Variants in KATNAL2 observed in about 807,000 individuals in gnomAD.
KATNAL2 encodes katanin catalytic subunit A1 like 2.
A neutral mutation model predicts 76.3 loss-of-function variants in KATNAL2; 52 were observed. The observed-to-expected ratio is 0.68, with a 90% CI of 0.55 to 0.86. The LOEUF (loss-of-function observed/expected upper bound fraction) is 0.86, where lower values mean the gene tolerates loss of function less well. KATNAL2 is among the 40% of genes least tolerant of loss of function. The pLI, the probability that KATNAL2 is intolerant of heterozygous loss-of-function variation, is 0.00. For missense variants in KATNAL2, 660 were observed against 668.9 expected, an observed-to-expected ratio of 0.99 and a Z score of 0.15; for synonymous variants, 243 against 244.2, an observed-to-expected ratio of 1.00 and a Z score of 0.05.
intron 3 of KATNAL2, chr18:47,032,618 T>C (rs2146934862): frequency 1.0e-5 from 3 of 298,890 alleles, no homozygotes; most frequent in Middle Eastern, 1.2e-3. Flanking sequence ...TGTCAACTAA[T>C]GGCTTGTGTG....
chr18:47,088,194 T>G (rs2062856085), intron 15 of KATNAL2, among the ~76,000 whole-genome samples: 1 of 152,186 alleles, frequency 6.6e-6, no homozygotes, highest in Admixed American at 6.5e-5. Flanking sequence ...CTGTGCATGT[T>G]AGCAGTTCTG....
At chr18:47,061,797 T>C (rs2061640168) in intron 8 of KATNAL2, among the ~76,000 whole-genome samples, 1 of 152,186 alleles carries the variant, frequency 6.6e-6, no homozygotes, top group Non-Finnish European at 1.5e-5. Context: ...AGTCTCATGA[T>C]GAAAGGAGAG....
intron 3 of KATNAL2, among the ~76,000 whole-genome samples, chr18:46,955,510 C>T (rs1405930069): frequency 6.6e-6 from 1 of 151,996 alleles, no homozygotes; most frequent in East Asian, 1.9e-4. Flanking sequence ...AGGCGTTCTA[C>T]CGCGCCTGAC....
intron 15 of KATNAL2, among the ~76,000 whole-genome samples, chr18:47,097,156 GTA>G (rs1046038211): frequency 1.0e-4 from 15 of 150,638 alleles, no homozygotes; most frequent in Admixed American, 2.6e-4. Context: ...CTCTGTGTGT[GTA>G]TGTGTGTGTT....
chr18:46,950,979 C>T (rs1414089168), intron 3 of KATNAL2, among the ~76,000 whole-genome samples: 4 of 152,076 alleles, frequency 2.6e-5, no homozygotes, highest in Admixed American at 1.3e-4. Context: ...CCACCGTGCC[C>T]GGCGATGTTC....
At position 46,917,616 on chromosome 18, in the gene KATNAL2, C is replaced by T. The variant is rs2058140611; in HGVS notation, c.-820C>T. 1 of 964,252 alleles carries T rather than the reference C, an allele frequency of 1.0e-6. No homozygotes were observed. The highest frequency in any genetic ancestry group is 1.0e-4 in the East Asian group (1 of 9,758). The allele number at this position is 964,252 out of a possible 1,614,324, so 59.7% of individuals were successfully genotyped here. ...CCCGCGCCTTCAGTCCGCGCGGCGA[C>T]AGCGCCCGCCCGCGCCTGCCCCGGC... On this transcript the variant is annotated 5_prime_UTR_variant, in exon 1 of 18. Transcript: ENST00000683218.
chr18:46,918,142 G>C (rs1218015359), intron 1 of KATNAL2: 1 of 152,118 alleles, frequency 6.6e-6, no homozygotes, highest in Non-Finnish European at 1.5e-5. Context: ...GGGGAAATCT[G>C]ATAGCTAGGA....
chr18:47,073,999 A>G (rs1363873611), intron 13 of KATNAL2, among the ~76,000 whole-genome samples: 1 of 152,168 alleles, frequency 6.6e-6, no homozygotes, highest in African/African-American at 2.4e-5. Flanking sequence ...CGGGTTTTAT[A>G]TTCTAATATT....
chr18:47,075,424 C>A, intron 14 of KATNAL2, 56 bp downstream of exon 14: 5 of 1,279,182 alleles, frequency 3.9e-6, no homozygotes, highest in Non-Finnish European at 5.1e-6. Flanking sequence ...GGCTTCTCCC[C>A]TCTTGTGTGT....
chr18:46,928,361 GT>G (rs2058796572), intron 1 of KATNAL2, among the ~76,000 whole-genome samples: 1 of 152,186 alleles, frequency 6.6e-6, no homozygotes, highest in African/African-American at 2.4e-5. Context: ...TCCAGACCCT[GT>G]TTGCCTGGGT....
At chr18:47,075,683 T>C (rs1033246698) in intron 14 of KATNAL2, among the ~76,000 whole-genome samples, 3 of 152,130 alleles carry the variant, frequency 2.0e-5, no homozygotes, top group Non-Finnish European at 4.4e-5. Context: ...TGGCTGAAAA[T>C]AGCCGCTGTG....
At chr18:46,928,526 G>A (rs1459282473) in intron 1 of KATNAL2, among the ~76,000 whole-genome samples, 3 of 152,164 alleles carry the variant, frequency 2.0e-5, no homozygotes, top group South Asian at 4.1e-4. Flanking sequence ...GGCTACTCGG[G>A]GGTCAGGGAC....
chr18:47,077,241 A>T (rs755287977), intron 14 of KATNAL2, 110 bp from the exon 15 acceptor site: 14 of 768,334 alleles, frequency 1.8e-5, no homozygotes, highest in Non-Finnish European at 2.9e-5. Flanking sequence ...TCCATTGGCC[A>T]TCAGAACAGA....
chr18:47,061,835 A>G (rs1412661867), intron 8 of KATNAL2, among the ~76,000 whole-genome samples: 1 of 151,690 alleles, frequency 6.6e-6, no homozygotes, highest in Non-Finnish European at 1.5e-5. Flanking sequence ...CACATAGTAA[A>G]CACTCCATAA....
intron 15 of KATNAL2, among the ~76,000 whole-genome samples, chr18:47,087,609 G>T (rs1236478884): frequency 2.0e-5 from 3 of 152,094 alleles, no homozygotes; most frequent in Admixed American, 1.3e-4. Flanking sequence ...TGGGCTTTGT[G>T]CCTGACTGAT....
intron 15 of KATNAL2, among the ~76,000 whole-genome samples, chr18:47,087,497 T>C (rs1328931057): frequency 6.6e-6 from 1 of 151,706 alleles, no homozygotes; most frequent in East Asian, 1.9e-4. Flanking sequence ...AGCTAAACAA[T>C]GAACTCATGG....
At chr18:47,064,606 GTT>G (rs1030548780) in intron 10 of KATNAL2, among the ~76,000 whole-genome samples, 3 of 152,132 alleles carry the variant, frequency 2.0e-5, no homozygotes, top group Non-Finnish European at 4.4e-5. Context: ...CATCTATAAG[GTT>G]TTTACCAGTG....
chr18:47,052,088 A>G (rs1228433427), intron 4 of KATNAL2, among the ~76,000 whole-genome samples: 1 of 152,200 alleles, frequency 6.6e-6, no homozygotes, highest in Admixed American at 6.5e-5. Context: ...TTTCAGGAGA[A>G]AATTGTTGGT....
At chr18:47,063,210 C>A in intron 9 of KATNAL2, 74 bp from the exon 10 acceptor site, 2 of 1,502,386 alleles carry the variant, frequency 1.3e-6, no homozygotes, top group Non-Finnish European at 1.8e-6. Context: ...TCACCAAGAC[C>A]TGTGCATGCC....
Sources: gnomAD v4.1 joint callset for allele counts (sites outside exome capture counted in the v4.1 genomes callset) on GRCh38, gnomAD v4.1.1 for gene constraint, MANE v1.5 for transcripts, NCBI Gene and HGNC (gene_info 2026-07-23, HGNC 2026-07-21) for gene names.